The following PIGF variants were observed in gnomAD, a reference collection of about 807,000 sequenced individuals.
PIGF encodes the protein GPI ethanolamine phosphate transferase, stabilizing subunit.
Under a neutral mutation model 26.0 loss-of-function variants are expected in PIGF, and 23 were observed. The observed-to-expected ratio is 0.88, with a 90% CI of 0.64 to 1.25. The LOEUF (loss-of-function observed/expected upper bound fraction) is 1.25, where lower values mean the gene tolerates loss of function less well. PIGF is among the 50% of genes most tolerant of loss of function. The pLI is 0.00. For missense variants in PIGF, 278 were observed against 249.9 expected (o/e 1.11, Z -0.76); for synonymous variants, 93 against 92.6 (o/e 1.00, Z -0.03).
At chr2:46,590,517 C>T (rs975580440) in intron 5 of PIGF, among the ~76,000 whole-genome samples, 3 of 59,102 alleles carry the variant, frequency 5.1e-5, no homozygotes, top group African/African-American at 2.1e-4. Flanking sequence ...TAATGTATTG[C>T]ATCATATACA....
intron 4 of PIGF, among the ~76,000 whole-genome samples, chr2:46,601,245 A>G (rs1263609547): frequency 6.6e-6 from 1 of 152,094 alleles, no homozygotes; most frequent in African/African-American, 2.4e-5. Flanking sequence ...AGAATAAATA[A>G]ATGGCTCCCC....
At chr2:46,608,825 A>T (rs1428040872) in intron 4 of PIGF, among the ~76,000 whole-genome samples, 2 of 152,194 alleles carry the variant, frequency 1.3e-5, no homozygotes, top group Non-Finnish European at 2.9e-5. Context: ...ATATTCAGTA[A>T]ACCATGTTAT....
rs113189930 is a variant in PIGF at position 46,607,194 on chromosome 2, G to A, written c.437+5034C>T. 2.9e-3 allele frequency among the ~76,000 whole-genome samples: 448 copies of A among 152,236 alleles called. 2 individuals carry two copies. The highest frequency in any genetic ancestry group is 0.01 in the African/African-American group (421 of 41,528). On this transcript the variant is annotated intron_variant, in intron 4 of 5. Coordinates refer to ENST00000281382, the MANE Select transcript of PIGF (RefSeq NM_002643.4). ...CCTCCCAGCTACCTCAGTTTACTAC[G>A]TGTCATGAGCCACACATACGCACAT... is the stretch of plus-strand genomic sequence containing the variant.
intron 4 of PIGF, among the ~76,000 whole-genome samples, chr2:46,594,809 C>T (rs1339313820): frequency 5.3e-5 from 8 of 150,406 alleles, no homozygotes; most frequent in Non-Finnish European, 1.2e-4. Context: ...GCTGGGATTA[C>T]AGGTGTGAGC....
At chr2:46,616,832 G>T in intron 1 of PIGF, 138 bp downstream of exon 1, 1 of 272,058 alleles carries the variant, frequency 3.7e-6, no homozygotes, top group Non-Finnish European at 7.2e-6. Context: ...GTCCATCAGG[G>T]CACGCCGGAA....
At chr2:46,593,032 G>C (rs1669770488) in intron 4 of PIGF, among the ~76,000 whole-genome samples, 1 of 151,982 alleles carries the variant, frequency 6.6e-6, no homozygotes, top group Admixed American at 6.6e-5. Context: ...ACAAAACTCA[G>C]ATGCATCATG....
chr2:46,609,555 AAGCTTAATCACTTCT>A (rs1314434286), intron 4 of PIGF, among the ~76,000 whole-genome samples: 1 of 152,188 alleles, frequency 6.6e-6, no homozygotes, highest in African/African-American at 2.4e-5. Context: ...CTTTTTCATT[AAGCTTAATCACTTCT>A]AGCTTTTGAT....
intron 5 of PIGF, chr2:46,587,959 GC>G (rs1669628092): frequency 5.4e-6 from 4 of 737,068 alleles, no homozygotes; most frequent in Admixed American, 4.1e-5. Flanking sequence ...GTGTAGTGGG[GC>G]TCTCATGTGA....
chr2:46,585,556 C>G (rs1462164443), intron 5 of PIGF, among the ~76,000 whole-genome samples: 1 of 152,140 alleles, frequency 6.6e-6, no homozygotes, highest in Non-Finnish European at 1.5e-5. Context: ...CTGAAGTAAT[C>G]TCTTAAAATT....
In PIGF at chr2:46,580,991, G is replaced by C; in HGVS notation, c.*487C>G. 2 of 1,586,718 alleles carry C rather than the reference G, an allele frequency of 1.3e-6. No homozygotes were observed. The highest frequency in any genetic ancestry group is 1.7e-6 in the Non-Finnish European group (2 of 1,169,106). On this transcript the variant is annotated 3_prime_UTR_variant, in exon 6 of 6. Coordinates refer to ENST00000281382, the MANE Select transcript of PIGF (RefSeq NM_002643.4). ...CCAGAAGGGATTGAAGACTGTTTTT[G>C]ATGAGGCTATCATAGCCATTTTAAC...
intron 4 of PIGF, among the ~76,000 whole-genome samples, chr2:46,602,854 G>A (rs577139813): frequency 6.6e-6 from 1 of 151,892 alleles, no homozygotes; most frequent in South Asian, 2.1e-4. Flanking sequence ...GACTCAGGAA[G>A]TCCTAGCTAG....
At chr2:46,581,996 A>G (rs1321066000) in intron 5 of PIGF, 2 of 157,402 alleles carry the variant, frequency 1.3e-5, no homozygotes, top group Admixed American at 1.3e-4. Flanking sequence ...TGACCAAACC[A>G]CAAGAAACTT....
intron 4 of PIGF, among the ~76,000 whole-genome samples, chr2:46,600,785 T>C (rs1440508878): frequency 1.3e-5 from 2 of 152,116 alleles, no homozygotes; most frequent in Non-Finnish European, 2.9e-5. Flanking sequence ...CTTATAGAGA[T>C]ACAGTAGCTA....
chr2:46,583,510 C>A (rs1669471634), intron 5 of PIGF, among the ~76,000 whole-genome samples: 1 of 152,130 alleles, frequency 6.6e-6, no homozygotes, highest in South Asian at 2.1e-4. Flanking sequence ...GCCTTAGGTA[C>A]TCTACTGACC....
intron 4 of PIGF, among the ~76,000 whole-genome samples, chr2:46,607,989 C>T (rs1389967725): frequency 3.3e-5 from 5 of 152,174 alleles, no homozygotes; most frequent in South Asian, 4.1e-4. Context: ...CGACCCACTG[C>T]GCCCAGCCGG....
chr2:46,591,179 C>T (rs1395922591), intron 5 of PIGF, among the ~76,000 whole-genome samples: 4 of 151,962 alleles, frequency 2.6e-5, no homozygotes, highest in South Asian at 4.2e-4. Context: ...AAAACTGGTA[C>T]AATATTTTAC....
At chr2:46,600,786 A>G (rs1558705648) in intron 4 of PIGF, among the ~76,000 whole-genome samples, 1 of 152,160 alleles carries the variant, frequency 6.6e-6, no homozygotes, top group South Asian at 2.1e-4. Context: ...TTATAGAGAT[A>G]CAGTAGCTAA....
rs377679776 is a variant in PIGF, at chr2:46,612,207, T to C, written c.437+21A>G. ...TTATTTTTTAATTTCAATATCATTA[T>C]AATATAAAATTAAAACTTACCCATT... On this transcript the variant is annotated intron_variant, in intron 4 of 5. Transcript: ENST00000281382. 1,016 of 694,550 alleles carry C rather than the reference T, an allele frequency of 1.5e-3. 2 individuals are homozygous for C. Among genetic ancestry groups the C allele is most frequent in the Middle Eastern group, 2.5e-3 (6 of 2,354 alleles). 43.0% of individuals were successfully genotyped at this position (694,550 alleles called of 1,614,324 possible).
At chr2:46,584,779 G>A (rs1210763535) in intron 5 of PIGF, among the ~76,000 whole-genome samples, 2 of 152,030 alleles carry the variant, frequency 1.3e-5, no homozygotes, top group South Asian at 2.1e-4. Context: ...TTTTTTAAAA[G>A]AGAATTTCTT....
Sources: gnomAD v4.1 joint callset for allele counts (sites outside exome capture counted in the v4.1 genomes callset) on GRCh38, gnomAD v4.1.1 for gene constraint, MANE v1.5 for transcripts, NCBI Gene and HGNC (gene_info 2026-07-23, HGNC 2026-07-21) for gene names.